VPS54: variants seen among roughly 807,000 people sequenced by gnomAD.
VPS54 encodes the protein vacuolar protein sorting-associated protein 54.
Under a neutral mutation model 121.5 loss-of-function variants are expected in VPS54, and 45 were observed. The ratio of observed to expected loss-of-function variants is 0.37; its 90% confidence interval spans 0.29 to 0.47. The LOEUF is 0.47. Among genes scored for constraint, VPS54 ranks in the 20% least tolerant of loss-of-function variants. VPS54 has a pLI of 0.99. For synonymous variants in VPS54, 371 were observed against 385.8 expected, an observed-to-expected ratio of 0.96 and a Z score of 0.45; for missense variants, 1,090 against 1,131.4, an observed-to-expected ratio of 0.96 and a Z score of 0.52.
chr2:63,991,636 G>A (rs908267346), intron 1 of VPS54, among the ~76,000 whole-genome samples: 7 of 152,154 alleles, frequency 4.6e-5, no homozygotes, highest in Admixed American at 2.6e-4. Flanking sequence ...TGCTCACGTC[G>A]TCGCAAGGTA....
At chr2:63,967,147 T>G (rs1676038159) in intron 5 of VPS54, among the ~76,000 whole-genome samples, 1 of 152,202 alleles carries the variant, frequency 6.6e-6, no homozygotes, top group Admixed American at 6.5e-5. Flanking sequence ...AAAACATGGT[T>G]TAATCAATTT....
At chr2:63,933,389 G>C (rs1444149276) in intron 12 of VPS54, among the ~76,000 whole-genome samples, 3 of 152,092 alleles carry the variant, frequency 2.0e-5, no homozygotes, top group Non-Finnish European at 4.4e-5. Context: ...AGTCATCTAA[G>C]CTCTCTGGGC....
chr2:63,980,509 A>G (rs1483113579), intron 3 of VPS54, among the ~76,000 whole-genome samples: 3 of 151,604 alleles, frequency 2.0e-5, no homozygotes, highest in Non-Finnish European at 4.4e-5. Context: ...TTTTTTTTCT[A>G]TTTATGGCTT....
intron 12 of VPS54, 43 bp downstream of exon 12, chr2:63,933,630 T>G: frequency 6.5e-7 from 1 of 1,548,104 alleles, no homozygotes; most frequent in Non-Finnish European, 8.8e-7. Context: ...ATTAATAAGA[T>G]GACTCAAAAT....
chr2:63,904,438 CAAAAAAAA>C (rs58651830), intron 20 of VPS54, among the ~76,000 whole-genome samples: 4 of 19,922 alleles, frequency 2.0e-4, no homozygotes, highest in South Asian at 3.4e-3. Context: ...GACTTGGTCT[CAAAAAAAA>C]AAAAAAAAAA....
intron 11 of VPS54, among the ~76,000 whole-genome samples, chr2:63,941,261 G>A (rs1230632705): frequency 6.6e-6 from 1 of 151,818 alleles, no homozygotes; most frequent in African/African-American, 2.4e-5. Flanking sequence ...GTCTTGCTCT[G>A]TTGGCCAGGC....
intron 18 of VPS54, 93 bp from the exon 19 acceptor site, chr2:63,912,754 T>C: frequency 1.4e-6 from 2 of 1,453,510 alleles, no homozygotes; most frequent in Non-Finnish European, 1.8e-6. Context: ...ATAAAAAACA[T>C]CACTTATAAA....
At chr2:63,902,980 C>CAACATAACATAACATAACATAACAT (rs70965151) in intron 20 of VPS54, among the ~76,000 whole-genome samples, 42 of 151,536 alleles carry the variant, frequency 2.8e-4, no homozygotes, top group African/African-American at 9.4e-4. Context: ...AATAACATAA[C>CAACATAACATAACATAACATAACAT]AACATAACAT....
chr2:63,978,707 C>G (rs1347857736), intron 3 of VPS54, among the ~76,000 whole-genome samples: 1 of 152,148 alleles, frequency 6.6e-6, no homozygotes, highest in Non-Finnish European at 1.5e-5. Context: ...GAAACCTCCA[C>G]CTCCCAGGTT....
chr2:63,899,161 C>CT (rs1672563912), intron 21 of VPS54, among the ~76,000 whole-genome samples: 2 of 152,194 alleles, frequency 1.3e-5, no homozygotes, highest in Admixed American at 6.5e-5. Context: ...AAGGCCAACT[C>CT]TAATTTTCCA....
intron 12 of VPS54, among the ~76,000 whole-genome samples, chr2:63,926,399 G>C (rs1050040962): frequency 1.1e-4 from 16 of 152,144 alleles, no homozygotes; most frequent in South Asian, 2.1e-4. Flanking sequence ...TATAGCTCAG[G>C]GTTTGGTTTG....
rs76580680 is a variant in VPS54, at chr2:63,972,297, A to G, written c.379-53T>C. On this transcript the variant is annotated intron_variant, in intron 3 of 22. Coordinates refer to ENST00000272322, the MANE Select transcript of VPS54 (RefSeq NM_016516.3). ...ATGTATGTGTAAACATGAGTATTCA[A>G]AGCATGAAAGTGTTTTGCAACAGAA... 18 of 1,359,512 alleles carry G rather than the reference A, an allele frequency of 1.3e-5. No individual in the cohort carries two copies. In the East Asian group the frequency reaches 3.8e-4, roughly 29 times the overall value. The allele number at this position is 1,359,512 out of a possible 1,614,324, so 84.2% of individuals were successfully genotyped here.
chr2:63,957,369 G>A (rs189905896), intron 7 of VPS54, among the ~76,000 whole-genome samples: 1 of 150,748 alleles, frequency 6.6e-6, no homozygotes, highest in Non-Finnish European at 1.5e-5. Flanking sequence ...GTGAATCCGG[G>A]AGGCGGAGCT....
At chr2:63,926,630 C>G (rs1414616091) in intron 12 of VPS54, among the ~76,000 whole-genome samples, 1 of 152,112 alleles carries the variant, frequency 6.6e-6, no homozygotes, top group Non-Finnish European at 1.5e-5. Context: ...CTCATTGGGA[C>G]TGGATGGACA....
chr2:63,996,155 G>A (rs1677578055), intron 1 of VPS54, among the ~76,000 whole-genome samples: 1 of 152,210 alleles, frequency 6.6e-6, no homozygotes, highest in Admixed American at 6.5e-5. Context: ...CAGGGACCCT[G>A]AACGGAGGGA....
Position 63,973,396 on chromosome 2 carries a change from G to A in VPS54, c.379-1152C>T, listed in dbSNP as rs571393877. The stretch of plus-strand genomic sequence containing the variant: ...ATACATATAACATAAAATTTATCAC[G>A]TAAAATTATTTGCTATGTTGACCAT... On this transcript the variant is annotated intron_variant, in intron 3 of 22. Coordinates refer to ENST00000272322, the MANE Select transcript of VPS54 (RefSeq NM_016516.3). Among the ~76,000 whole-genome samples, 6 of 152,116 alleles carry A rather than the reference G, an allele frequency of 3.9e-5. No individual in the cohort carries two copies. The East Asian group carries it at 5.8e-4, about 15-fold the overall frequency.
chr2:63,995,751 A>T (rs1270199585), intron 1 of VPS54, among the ~76,000 whole-genome samples: 1 of 152,232 alleles, frequency 6.6e-6, no homozygotes, highest in Non-Finnish European at 1.5e-5. Context: ...AATACTTCAG[A>T]TTTCCGTATC....
At chr2:63,923,265 G>C (rs774446356) in intron 12 of VPS54, among the ~76,000 whole-genome samples, 4 of 151,152 alleles carry the variant, frequency 2.6e-5, no homozygotes, top group African/African-American at 9.8e-5. Context: ...GCAGTGAGCC[G>C]AGATCGCACC....
chr2:64,006,862 A>C (rs1012442294), intron 1 of VPS54, among the ~76,000 whole-genome samples: 3 of 152,010 alleles, frequency 2.0e-5, no homozygotes, highest in African/African-American at 7.3e-5. Context: ...CAGGTGATCC[A>C]CCCGCCTTGG....
Sources: allele counts gnomAD v4.1 joint callset (sites outside exome capture counted in the v4.1 genomes callset), GRCh38; gene constraint gnomAD v4.1.1; transcripts MANE v1.5; gene names NCBI Gene and HGNC (gene_info 2026-07-23, HGNC 2026-07-21).